The following TPCN1 variants were observed in gnomAD, a reference collection of about 807,000 sequenced individuals.
TPCN1 encodes two pore segment channel 1, also known as two pore channel protein 1.
TPCN1 carries 52 observed loss-of-function variants against 108.8 expected under a neutral mutation model. That is an observed-to-expected ratio of 0.48 (90% CI 0.38 to 0.60). TPCN1 has a LOEUF of 0.60. Ranked by LOEUF, TPCN1 falls within the 20% of genes least tolerant of loss-of-function variation. The probability of loss-of-function intolerance (pLI) is 0.00; values close to 1 mark genes in which losing one functional copy is unlikely to be tolerated. For synonymous variants in TPCN1, 446 were observed against 433.7 expected, an observed-to-expected ratio of 1.03 and a Z score of -0.35; for missense variants, 806 against 1,072.8, an observed-to-expected ratio of 0.75 and a Z score of 3.47.
chr12:113,277,024 A>G lies in TPCN1; in HGVS notation c.1048A>G (p.Ile350Val). The change falls in exon 11 of 28, where the codon ATC (isoleucine) becomes GTC (valine). Residue 350 changes from isoleucine to valine, a missense_variant. Ile to Val is a conservative substitution (Grantham distance 29). Transcript: ENST00000335509. ...TAIQHAYRLL[I>V]SQRRPAGISY... is the part of the protein sequence containing the mutation. ...TATCCAGCATGCCTACCGCCTGCTC[A>G]TCAGCCAGAGGGTAGGAACTATGGG... The G allele has an allele frequency of 1.2e-6, 2 of 1,613,278 alleles. No individual in the cohort carries two copies. The highest frequency in any genetic ancestry group is 1.3e-5 in the African/African-American group (1 of 75,042).
chr12:113,260,169 T>C, intron 2 of TPCN1, 199 bp from the exon 3 acceptor site: 1 of 504,676 alleles, frequency 2.0e-6, no homozygotes, highest in Middle Eastern at 5.1e-4. Flanking sequence ...TTTTTTCACT[T>C]ATCAAGAGAA....
chr12:113,262,981 A>G (rs942081781), intron 3 of TPCN1, among the ~76,000 whole-genome samples: 5 of 152,186 alleles, frequency 3.3e-5, no homozygotes, highest in African/African-American at 1.2e-4. Flanking sequence ...AAAATGGGCC[A>G]TGTACTTGTG....
intron 25 of TPCN1, chr12:113,292,307 C>T (rs1226344470): frequency 3.3e-6 from 1 of 305,566 alleles, no homozygotes; most frequent in Non-Finnish European, 6.2e-6. Context: ...TAGTCATCTC[C>T]ACGTTTCTCA....
chr12:113,280,329 A>G, intron 15 of TPCN1, 134 bp downstream of exon 15: 1 of 658,850 alleles, frequency 1.5e-6, no homozygotes, highest in Admixed American at 2.7e-5. Context: ...CAGCATGTAT[A>G]AAAGTGAAGA....
chr12:113,272,785 A>T lies in TPCN1; in HGVS notation c.783+93A>T, dbSNP rs574755197. 7.9e-7 allele frequency: 1 copy of T among 1,273,736 alleles called. No homozygotes were observed. The highest frequency in any genetic ancestry group is 1.5e-5 in the African/African-American group (1 of 67,768). 78.9% of individuals were successfully genotyped at this position (1,273,736 alleles called of 1,614,324 possible). A position where few individuals can be genotyped will look rare whatever the true frequency, so the allele number is the denominator to read the frequency against. The stretch of plus-strand genomic sequence containing the variant: ...GCGTGACCCTGTGGCCATATGGGGA[A>T]GGGGGGGCCTGCCTGGTTTCTCATC... On this transcript the variant is annotated intron_variant, in intron 8 of 27. Transcript: ENST00000335509. The surrounding 1 kb of genome is among the most constrained non-coding windows in gnomAD (Gnocchi z 4.1).
intron 17 of TPCN1, 70 bp from the exon 18 acceptor site, chr12:113,285,819 C>T (rs1956055434): frequency 7.2e-7 from 1 of 1,384,264 alleles, no homozygotes; most frequent in African/African-American, 1.4e-5. Flanking sequence ...GTGGAGGAGC[C>T]TCAAAGAGGA....
At chr12:113,222,204 A>G (rs1953263860) in intron 1 of TPCN1, among the ~76,000 whole-genome samples, 1 of 152,118 alleles carries the variant, frequency 6.6e-6, no homozygotes, top group Admixed American at 6.5e-5. Context: ...TGGAAAAATG[A>G]CGTGTTTGAA....
chr12:113,266,861 C>T lies in TPCN1; in HGVS notation c.414+505C>T, dbSNP rs1292961895. Among the ~76,000 whole-genome samples, 1 of 152,192 alleles carries T rather than the reference C, an allele frequency of 6.6e-6. No individual in the cohort carries two copies. Among genetic ancestry groups the T allele is most frequent in the Non-Finnish European group, 1.5e-5 (1 of 68,020 alleles). ...AAGGGGTGTGTGGTAGGCATGGAAGCAGGGAAGGGAGCCTGTGCCTGTTGA... is the reference window on the plus strand; with the variant it reads ...AAGGGGTGTGTGGTAGGCATGGAAGTAGGGAAGGGAGCCTGTGCCTGTTGA... On this transcript the variant is annotated intron_variant, in intron 4 of 27. Transcript: ENST00000335509. The surrounding 1 kb of genome is among the most constrained non-coding windows in gnomAD (Gnocchi z 4.2).
rs557223263 is a variant in TPCN1 at position 113,259,091 on chromosome 12, C to T, written c.113-1277C>T. On this transcript the variant is annotated intron_variant, in intron 2 of 27. Transcript: ENST00000335509. ...TCCCAGGTTCAAGTGATTCTCATGC[C>T]TCAGCCTCCTGAGTAGCTGGGATTA... 2.0e-5 allele frequency among the ~76,000 whole-genome samples: 3 copies of T among 152,046 alleles called. No homozygotes were observed. The South Asian group carries it at 6.3e-4, about 32-fold the overall frequency.
rs1024009154 is a variant in TPCN1, at chr12:113,267,869, C to T, written c.441C>T (p.Ala147=). Residue 147 remains alanine (A), a synonymous_variant, in exon 5 of 28, where the codon GCC becomes GCT. Coordinates refer to ENST00000335509, the MANE Select transcript of TPCN1 (RefSeq NM_017901.6). ...IYVHATLELF[A]LMVVVFELCM... is the part of the protein sequence containing the mutation. ...TCCACGCCACCCTGGAGCTGTTTGC[C>T]CTGATGGTGGTAGTGTTTGAACTCT... 6.2e-7 allele frequency: 1 copy of T among 1,613,942 alleles called. No individual in the cohort carries two copies. The highest frequency in any genetic ancestry group is 1.3e-5 in the African/African-American group (1 of 74,912).
intron 2 of TPCN1, among the ~76,000 whole-genome samples, chr12:113,228,485 C>G (rs555403543): frequency 1.3e-5 from 2 of 152,248 alleles, no homozygotes; most frequent in African/African-American, 4.8e-5. Context: ...TATGGTGGTG[C>G]ATGCCTGTAG....
chr12:113,271,643 G>GC (rs1955505994), intron 7 of TPCN1, among the ~76,000 whole-genome samples: 1 of 152,210 alleles, frequency 6.6e-6, no homozygotes, highest in Admixed American at 6.5e-5. Context: ...CTGGAGCGGA[G>GC]CAAGTATGCC....
rs1956476827 is a variant in TPCN1, at chr12:113,297,855, T to G, written c.*1779T>G. The G allele has an allele frequency of 6.6e-6, 1 of 152,216 alleles. No homozygotes were observed. The allele number at this position is 152,216 out of a possible 1,614,324, so 9.4% of individuals were successfully genotyped here. A position where few individuals can be genotyped will look rare whatever the true frequency, so the allele number is the denominator to read the frequency against. Reference sequence around the variant, plus strand: ...TGGGTGCCTTTTAGCTTTTGTGTGTTGAAATGGGCGTTTTGGAAGCAAGGG... The same window carrying G: ...TGGGTGCCTTTTAGCTTTTGTGTGTGGAAATGGGCGTTTTGGAAGCAAGGG... On this transcript the variant is annotated 3_prime_UTR_variant, in exon 28 of 28. Coordinates refer to ENST00000335509, the MANE Select transcript of TPCN1 (RefSeq NM_017901.6). The surrounding 1 kb of genome is among the most constrained non-coding windows in gnomAD (Gnocchi z 4.4).
chr12:113,276,746 G>C (rs1486124568), intron 10 of TPCN1, among the ~76,000 whole-genome samples, 173 bp from the exon 11 acceptor site: 3 of 152,166 alleles, frequency 2.0e-5, no homozygotes, highest in Admixed American at 6.5e-5. Flanking sequence ...CCTCTGTTGA[G>C]ACTTGGGAGA....
chr12:113,292,849 G>A lies in TPCN1; in HGVS notation c.2114-85G>A, dbSNP rs904856494. On this transcript the variant is annotated intron_variant, in intron 25 of 27. Coordinates refer to ENST00000335509, the MANE Select transcript of TPCN1 (RefSeq NM_017901.6). ...GAGAGAGAACCTTAAGACCCCCTGCGGAAGGGGGCAAGGAGGTACGAGACC... is the reference window on the plus strand; with the variant it reads ...GAGAGAGAACCTTAAGACCCCCTGCAGAAGGGGGCAAGGAGGTACGAGACC... 98 of 1,470,068 alleles carry A rather than the reference G, an allele frequency of 6.7e-5. No individual in the cohort carries two copies. In the African/African-American group the frequency reaches 8.0e-4, roughly 12 times the overall value. 91.1% of individuals were successfully genotyped at this position (1,470,068 alleles called of 1,614,324 possible). A position where few individuals can be genotyped will look rare whatever the true frequency, so the allele number is the denominator to read the frequency against.
rs540302519 is a variant in TPCN1, at chr12:113,268,467, G to A, written c.529-275G>A. On this transcript the variant is annotated intron_variant, in intron 5 of 27. Coordinates refer to ENST00000335509, the MANE Select transcript of TPCN1 (RefSeq NM_017901.6). This position sits in a 1 kb window ranked among gnomAD's most constrained non-coding sequence, Gnocchi z 7.3. ...CTGATGTGAGTGGCGAGGGCTGATC[G>A]AGGGGTCCTGGCAGAGTGGCGGTTT... Among the ~76,000 whole-genome samples, 83 of 152,350 alleles carry A rather than the reference G, an allele frequency of 5.4e-4. No individual in the cohort carries two copies. The highest frequency in any genetic ancestry group is 2.0e-3 in the African/African-American group (82 of 41,584).
intron 7 of TPCN1, among the ~76,000 whole-genome samples, chr12:113,271,693 A>G (rs536880919): frequency 6.6e-6 from 1 of 152,270 alleles, no homozygotes; most frequent in African/African-American, 2.4e-5. Context: ...CGTTTTTCTT[A>G]TCACAAATCC....
intron 25 of TPCN1, 179 bp from the exon 26 acceptor site, chr12:113,292,755 A>G: frequency 2.9e-6 from 2 of 680,284 alleles, no homozygotes; most frequent in Non-Finnish European, 4.8e-6. Context: ...TCCTGACATC[A>G]CAGCAGAGGG....
rs73192839 is a variant in TPCN1 at position 113,291,695 on chromosome 12, G to C, written c.2028+18G>C. On this transcript the variant is annotated intron_variant, in intron 24 of 27. Transcript: ENST00000335509. ...TGACCATGGTAGGTCCCGGACCACA[G>C]AACGCTCTTTGTCCTTCGTCTTCCA... 0.061 allele frequency: 97,667 copies of C among 1,611,670 alleles called. 3,492 individuals are homozygous for C. The highest frequency in any genetic ancestry group is 0.067 in the Non-Finnish European group (78,775 of 1,178,428).
Sources: allele counts gnomAD v4.1 joint callset (sites outside exome capture counted in the v4.1 genomes callset), GRCh38; gene constraint gnomAD v4.1.1; non-coding constraint Gnocchi (gnomAD v3.1); transcripts MANE v1.5; gene names NCBI Gene and HGNC (gene_info 2026-07-23, HGNC 2026-07-21).